The following COPS4 variants were observed in gnomAD, a reference collection of about 807,000 sequenced individuals.
COPS4 encodes COP9 signalosome subunit 4.
A neutral mutation model predicts 55.1 loss-of-function variants in COPS4; 8 were observed. That is an observed-to-expected ratio of 0.15 (90% CI 0.09 to 0.26). The LOEUF is 0.26. Among genes scored for constraint, COPS4 ranks in the 10% least tolerant of loss-of-function variants. The pLI, the probability that COPS4 is intolerant of heterozygous loss-of-function variation, is 1.00. For synonymous variants in COPS4, 185 were observed against 165.7 expected (o/e 1.12, Z -0.90); for missense variants, 248 against 484.0 (o/e 0.51, Z 4.58).
chr4:83,043,006 T>G (rs946894768), intron 1 of COPS4, among the ~76,000 whole-genome samples: 1 of 151,728 alleles, frequency 6.6e-6, no homozygotes. Flanking sequence ...TTCTTTGGCC[T>G]CCCAAAGTGG....
chr4:83,064,869 C>CTTTTTTTTTTTTTT (rs140166684), intron 7 of COPS4, among the ~76,000 whole-genome samples: 13 of 73,632 alleles, frequency 1.8e-4, no homozygotes, highest in African/African-American at 5.4e-4. Context: ...TAAGCAGTCC[C>CTTTTTTTTTTTTTT]TTTTTTTTTT....
chr4:83,066,217 A>G (rs1731289018), intron 7 of COPS4, among the ~76,000 whole-genome samples: 1 of 152,224 alleles, frequency 6.6e-6, no homozygotes, highest in African/African-American at 2.4e-5. Context: ...TTAGATCTAT[A>G]TGCTTAATAA....
chr4:83,041,380 A>G (rs572077462), intron 1 of COPS4, among the ~76,000 whole-genome samples: 33 of 152,094 alleles, frequency 2.2e-4, no homozygotes, highest in Admixed American at 2.1e-3. Context: ...TTTAAGGAAG[A>G]AAATATTTGG....
At chr4:83,051,923 A>G (rs1730898541) in intron 4 of COPS4, among the ~76,000 whole-genome samples, 1 of 152,224 alleles carries the variant, frequency 6.6e-6, no homozygotes, top group Admixed American at 6.5e-5. Context: ...GGAAATCAGA[A>G]TAATGTGGAG....
intron 4 of COPS4, among the ~76,000 whole-genome samples, chr4:83,053,904 T>G (rs1247695166): frequency 6.6e-6 from 1 of 152,034 alleles, no homozygotes; most frequent in East Asian, 1.9e-4. Context: ...GTATATGTTT[T>G]TTAAAATTTA....
At chr4:83,073,488 A>C in intron 9 of COPS4, 1 of 402,840 alleles carries the variant, frequency 2.5e-6, no homozygotes, top group Non-Finnish European at 4.4e-6. Flanking sequence ...GTTAACTTTA[A>C]TAATTTTGGC....
At chr4:83,049,048 T>A in intron 2 of COPS4, 118 bp from the exon 3 acceptor site, 1 of 855,540 alleles carries the variant, frequency 1.2e-6, no homozygotes. Flanking sequence ...CCTTGAATAA[T>A]GCATTGAAGG....
At chr4:83,049,050 C>A in intron 2 of COPS4, 116 bp from the exon 3 acceptor site, 1 of 864,302 alleles carries the variant, frequency 1.2e-6, no homozygotes, top group South Asian at 1.6e-5. Context: ...TTGAATAATG[C>A]ATTGAAGGCT....
chr4:83,069,917 C>G (rs754388769), intron 9 of COPS4, among the ~76,000 whole-genome samples: 3 of 152,108 alleles, frequency 2.0e-5, no homozygotes, highest in Admixed American at 6.5e-5. Context: ...CTGAGGTTAG[C>G]AGTTATTTTT....
chr4:83,062,159 A>G (rs1731175927), intron 6 of COPS4, among the ~76,000 whole-genome samples: 2 of 152,240 alleles, frequency 1.3e-5, no homozygotes, highest in South Asian at 2.1e-4. Context: ...CCTTAAAAAT[A>G]TAAATTGAAA....
At position 83,052,583 on chromosome 4, in the gene COPS4, T is replaced by C. The variant is rs138973005; in HGVS notation, c.410+2599T>C. On this transcript the variant is annotated intron_variant, in intron 4 of 9. Coordinates refer to ENST00000264389, the MANE Select transcript of COPS4 (RefSeq NM_016129.3). ...TGGTGGAATTTGTGTAAGTACTCTT[T>C]CATTGCATTGCTCCAGTATTCTTTT... Among the ~76,000 whole-genome samples the C allele has an allele frequency of 4.4e-3, 675 of 152,294 alleles. 13 individuals carry two copies. Among genetic ancestry groups the C allele is most frequent in the African/African-American group, 0.016 (645 of 41,560 alleles).
chr4:83,065,021 G>A, intron 7 of COPS4: 2 of 681,012 alleles, frequency 2.9e-6, no homozygotes, highest in South Asian at 1.6e-5. Context: ...GCTTAGGCAT[G>A]TGCCACCACA....
rs1241914199 is a variant in COPS4 at position 83,075,603 on chromosome 4, T to G, written c.*173T>G. ...AAGTACAAGCATTTAAAATATGTAG[T>G]TCCCATATATTTCAGGGTCTCTGTG... On this transcript the variant is annotated 3_prime_UTR_variant, in exon 10 of 10. Coordinates refer to ENST00000264389, the MANE Select transcript of COPS4 (RefSeq NM_016129.3). 3.2e-6 allele frequency: 2 copies of G among 617,344 alleles called. No individual in the cohort carries two copies. Among genetic ancestry groups the G allele is most frequent in the African/African-American group, 1.9e-5 (1 of 53,492 alleles). 38.2% of individuals were successfully genotyped at this position (617,344 alleles called of 1,614,324 possible).
At chr4:83,052,759 G>GT (rs1730917263) in intron 4 of COPS4, among the ~76,000 whole-genome samples, 1 of 152,084 alleles carries the variant, frequency 6.6e-6, no homozygotes, top group African/African-American at 2.4e-5. Context: ...GCTAATTTTT[G>GT]TATTTTTAGT....
intron 2 of COPS4, among the ~76,000 whole-genome samples, chr4:83,047,732 G>C (rs2126129113): frequency 6.6e-6 from 1 of 152,336 alleles, no homozygotes; most frequent in South Asian, 2.1e-4. Flanking sequence ...CCGGGGCCAT[G>C]GCTTACGCCT....
At chr4:83,044,584 T>C (rs1730657359) in intron 1 of COPS4, among the ~76,000 whole-genome samples, 1 of 151,878 alleles carries the variant, frequency 6.6e-6, no homozygotes, top group African/African-American at 2.4e-5. Flanking sequence ...GAGACCAGCC[T>C]GACCACATGG....
At chr4:83,047,486 C>G (rs905864815) in intron 2 of COPS4, among the ~76,000 whole-genome samples, 1 of 151,502 alleles carries the variant, frequency 6.6e-6, no homozygotes, top group Non-Finnish European at 1.5e-5. Flanking sequence ...CCCCGGTGGT[C>G]GAGACTGAAG....
chr4:83,060,435 G>T (rs1002061514), intron 6 of COPS4, among the ~76,000 whole-genome samples: 12 of 150,374 alleles, frequency 8.0e-5, no homozygotes, highest in Admixed American at 4.0e-4. Flanking sequence ...TGCAAGCTCC[G>T]CCTCCCAGGT....
At chr4:83,039,895 C>T (rs1043830892) in intron 1 of COPS4, among the ~76,000 whole-genome samples, 2 of 152,158 alleles carry the variant, frequency 1.3e-5, no homozygotes, top group Non-Finnish European at 2.9e-5. Context: ...CCTCGGCCTA[C>T]AAAAGTGTTG....
Sources: gnomAD v4.1 joint callset for allele counts (sites outside exome capture counted in the v4.1 genomes callset) on GRCh38, gnomAD v4.1.1 for gene constraint, MANE v1.5 for transcripts, NCBI Gene and HGNC (gene_info 2026-07-23, HGNC 2026-07-21) for gene names.